MRTFB: variants seen among roughly 807,000 people sequenced by gnomAD.
The protein encoded by MRTFB is myocardin-related transcription factor B.
A neutral mutation model predicts 104.2 loss-of-function variants in MRTFB; 29 were observed. That is an observed-to-expected ratio of 0.28 (90% CI 0.21 to 0.38). The LOEUF (loss-of-function observed/expected upper bound fraction) is 0.38, where lower values mean the gene tolerates loss of function less well. MRTFB is among the 10% of genes least tolerant of loss of function. The pLI is 1.00. For synonymous variants in MRTFB, 535 were observed against 519.5 expected, an observed-to-expected ratio of 1.03 and a Z score of -0.41; for missense variants, 1,270 against 1,341.6, an observed-to-expected ratio of 0.95 and a Z score of 0.83.
chr16:14,257,942 T>G (rs891819029), intron 15 of MRTFB, among the ~76,000 whole-genome samples, 159 bp from the exon 16 acceptor site: 11 of 152,226 alleles, frequency 7.2e-5, no homozygotes, highest in Admixed American at 7.2e-4. Flanking sequence ...GCTGTACAGC[T>G]TGGGTAAATG....
chr16:14,085,422 A>G (rs1398129056), intron 2 of MRTFB, among the ~76,000 whole-genome samples: 8 of 144,864 alleles, frequency 5.5e-5, no homozygotes, highest in African/African-American at 2.1e-4. Context: ...GCACCACTGC[A>G]CTCCAGCCTG....
chr16:14,158,357 A>T (rs1175139841), intron 3 of MRTFB, among the ~76,000 whole-genome samples: 2 of 152,222 alleles, frequency 1.3e-5, no homozygotes, highest in African/African-American at 4.8e-5. Context: ...TAGTGAGAGG[A>T]TGTCTTCCCT....
the MRTFB span, chr16:14,009,859 A>C: frequency 6.6e-6 from 1 of 152,054 alleles, no homozygotes; most frequent in African/African-American, 2.4e-5. Context: ...CTCTTCTCTA[A>C]TTACATCTTC....
chr16:14,157,219 A>T (rs2038860517), intron 3 of MRTFB, among the ~76,000 whole-genome samples: 1 of 152,180 alleles, frequency 6.6e-6, no homozygotes. Context: ...TTCTACTTAG[A>T]GCTAATTGTC....
the MRTFB span, chr16:14,018,959 A>G: frequency 2.6e-5 from 4 of 152,172 alleles, no homozygotes; most frequent in Admixed American, 1.3e-4. Flanking sequence ...GTTACTGATC[A>G]TTGGCTATTC....
chr16:14,238,847 A>T (rs2042638640), intron 9 of MRTFB, among the ~76,000 whole-genome samples: 2 of 152,232 alleles, frequency 1.3e-5, no homozygotes, highest in African/African-American at 4.8e-5. Context: ...CTTATTTACC[A>T]GTGTTTAAAA....
the MRTFB span, among the ~76,000 whole-genome samples, chr16:14,044,579 G>A: frequency 1.3e-4 from 20 of 152,264 alleles, no homozygotes; most frequent in Admixed American, 2.6e-4. Flanking sequence ...AGTAGCACAC[G>A]CTCCCTTCAC....
intron 4 of MRTFB, among the ~76,000 whole-genome samples, chr16:14,211,546 G>T (rs546793666): frequency 6.6e-6 from 1 of 152,264 alleles, no homozygotes; most frequent in African/African-American, 2.4e-5. Context: ...GCTTGGAAGT[G>T]CAGGGTGTTA....
At chr16:14,046,274 C>T in the MRTFB span, among the ~76,000 whole-genome samples, 1 of 152,030 alleles carries the variant, frequency 6.6e-6, no homozygotes, top group Non-Finnish European at 1.5e-5. Flanking sequence ...GGTAGTGATC[C>T]GTGATTGTGC....
intron 2 of MRTFB, among the ~76,000 whole-genome samples, chr16:14,117,869 A>G (rs955349648): frequency 6.6e-6 from 1 of 152,198 alleles, no homozygotes; most frequent in Non-Finnish European, 1.5e-5. Flanking sequence ...AATATAGACA[A>G]CCATTTTGGT....
At chr16:14,224,570 A>G (rs1052543682) in intron 8 of MRTFB, among the ~76,000 whole-genome samples, 1 of 152,164 alleles carries the variant, frequency 6.6e-6, no homozygotes, top group Admixed American at 6.6e-5. Context: ...ATAAGACAGA[A>G]TCTTAAAAGC....
intron 2 of MRTFB, among the ~76,000 whole-genome samples, chr16:14,139,665 A>G (rs1033287283): frequency 1.3e-5 from 2 of 152,238 alleles, no homozygotes; most frequent in African/African-American, 2.4e-5. Context: ...GCACATGTCC[A>G]TATAGATACC....
At chr16:14,017,709 ATATTTTTTTT>A in the MRTFB span, among the ~76,000 whole-genome samples, 8 of 15,912 alleles carry the variant, frequency 5.0e-4, no homozygotes, top group Non-Finnish European at 7.7e-4. Flanking sequence ...ATATATATAT[ATATTTTTTTT>A]TTTTTTTTTT....
intron 3 of MRTFB, among the ~76,000 whole-genome samples, chr16:14,183,452 A>T (rs2039836678): frequency 6.6e-6 from 1 of 152,204 alleles, no homozygotes; most frequent in Non-Finnish European, 1.5e-5. Flanking sequence ...TTGTTGGGAC[A>T]ATTGGTGGAA....
At chr16:14,105,284 T>C (rs1448921230) in intron 2 of MRTFB, among the ~76,000 whole-genome samples, 2 of 152,202 alleles carry the variant, frequency 1.3e-5, no homozygotes, top group Non-Finnish European at 2.9e-5. Flanking sequence ...GTCTCTTTCC[T>C]AAATTGTTGA....
intron 8 of MRTFB, among the ~76,000 whole-genome samples, chr16:14,224,531 G>A (rs915564585): frequency 1.3e-5 from 2 of 152,130 alleles, no homozygotes; most frequent in African/African-American, 2.4e-5. Context: ...CCGCAGGAAC[G>A]CACATTATAA....
At chr16:14,067,838 T>TTTA (rs1178990220), upstream of MRTFB, among the ~76,000 whole-genome samples, 1 of 152,106 alleles carries the variant, frequency 6.6e-6, no homozygotes, top group African/African-American at 2.4e-5. Context: ...TAATTTTATT[T>TTTA]TTATTATTTT....
chr16:14,208,768 C>G (rs1335652633), intron 3 of MRTFB, among the ~76,000 whole-genome samples: 1 of 152,212 alleles, frequency 6.6e-6, no homozygotes, highest in African/African-American at 2.4e-5. Flanking sequence ...TGGGAACATA[C>G]TATCCTCAAT....
At chr16:14,006,775 G>A in the MRTFB span, among the ~76,000 whole-genome samples, 2 of 151,824 alleles carry the variant, frequency 1.3e-5, no homozygotes, top group Non-Finnish European at 2.9e-5. Context: ...CAGCAATTTG[G>A]AAGGCCAAGG....
Sources: gnomAD v4.1 joint callset for allele counts (sites outside exome capture counted in the v4.1 genomes callset) on GRCh38, gnomAD v4.1.1 for gene constraint, MANE v1.5 for transcripts, NCBI Gene and HGNC (gene_info 2026-07-23, HGNC 2026-07-21) for gene names.